EIF2B4: variants seen among roughly 807,000 people sequenced by gnomAD.
EIF2B4 encodes eukaryotic translation initiation factor 2B subunit delta.
EIF2B4 carries 34 observed loss-of-function variants against 66.7 expected under a neutral mutation model. That is an observed-to-expected ratio of 0.51 (90% CI 0.39 to 0.68). The LOEUF (loss-of-function observed/expected upper bound fraction) is 0.68. Among genes scored for constraint, EIF2B4 ranks in the 30% least tolerant of loss-of-function variants. The pLI is 0.00. For synonymous variants in EIF2B4, 278 were observed against 253.6 expected, an observed-to-expected ratio of 1.10 and a Z score of -0.92; for missense variants, 618 against 657.9, an observed-to-expected ratio of 0.94 and a Z score of 0.66.
rs1219720070 is a variant in EIF2B4, at chr2:27,369,501, C to T, written c.124G>A (p.Glu42Lys). ...TKEEKLQLRK[E>K]KKQQKKKRKE... ...CGTTTCTTCTTCTGCTGTTTCTTTT[C>T]CTTCCGAAGCTGCAGCTTTTCTTCT... The change falls in exon 3 of 13, where the codon GAA becomes AAA. Residue 42 changes from glutamate to lysine, a missense_variant. Physicochemically the swap from Glu to Lys is moderately conservative, Grantham distance 56. Around this residue, in one of 4 missense-constraint regions of EIF2B4, gnomAD observed 506 missense variants for 511.9 expected, o/e 0.99. Transcript: ENST00000347454. 3 of 1,614,156 alleles carry T rather than the reference C, an allele frequency of 1.9e-6. No homozygotes were observed. Among genetic ancestry groups the T allele is most frequent in the Non-Finnish European group, 2.5e-6 (3 of 1,180,026 alleles).
intron 11 of EIF2B4, chr2:27,365,695 C>T (rs1344153489): frequency 2.0e-5 from 3 of 152,050 alleles, no homozygotes; most frequent in Non-Finnish European, 4.4e-5. Flanking sequence ...TTAATGATGG[C>T]TTTTCTTCTG....
At chr2:27,369,822 C>T (rs1018558629) in intron 2 of EIF2B4, 54 bp downstream of exon 2, 5 of 1,534,748 alleles carry the variant, frequency 3.3e-6, no homozygotes, top group African/African-American at 1.4e-5. Context: ...ATAAAGCTGG[C>T]ACAGCCTCCT....
chr2:27,364,368 G>C lies in EIF2B4; in HGVS notation c.*32C>G. The C allele has an allele frequency of 1.2e-6, 2 of 1,606,512 alleles. No homozygotes were observed. The highest frequency in any genetic ancestry group is 1.7e-4 in the Middle Eastern group (1 of 5,886). ...GCAGCAGAGTTGCTGAGGGTAGGGA[G>C]TATGGCATTTATTAACCCTGTGTTT... On this transcript the variant is annotated 3_prime_UTR_variant, in exon 13 of 13. Coordinates refer to ENST00000347454, the MANE Select transcript of EIF2B4 (RefSeq NM_001034116.2).
chr2:27,369,580 C>A, intron 2 of EIF2B4, 31 bp from the exon 3 acceptor site: 1 of 1,613,956 alleles, frequency 6.2e-7, no homozygotes, highest in Admixed American at 1.7e-5. Context: ...ACTGCTCTTC[C>A]CCAACAATTC....
chr2:27,368,699 A>G lies in EIF2B4; in HGVS notation c.453T>C (p.Asp151=), dbSNP rs1682057566. The change falls in exon 5 of 13, where the codon GAT becomes GAC. Residue 151 remains aspartate (D), a synonymous_variant. Coordinates refer to ENST00000347454, the MANE Select transcript of EIF2B4 (RefSeq NM_001034116.2). The part of the protein sequence containing the change: ...VKRLPEYPQV[D]DLLLRRLVKK... Reference sequence around the variant, plus strand: ...TAACAAGCCTTCTCAGAAGTAGGTCATCAACCTGAGGGTACTCAGGGAGAC... The same window carrying G: ...TAACAAGCCTTCTCAGAAGTAGGTCGTCAACCTGAGGGTACTCAGGGAGAC... 1.2e-6 allele frequency: 2 copies of G among 1,614,200 alleles called. No homozygotes were observed. The highest frequency in any genetic ancestry group is 1.7e-6 in the Non-Finnish European group (2 of 1,180,036).
chr2:27,367,319 C>T (rs1681933953), intron 9 of EIF2B4, 118 bp from the exon 10 acceptor site: 1 of 1,582,634 alleles, frequency 6.3e-7, no homozygotes, highest in Non-Finnish European at 8.7e-7. Context: ...AGAGATGGCA[C>T]AAGTCAGAAT....
intron 11 of EIF2B4, chr2:27,366,515 C>T: frequency 1.8e-6 from 1 of 550,920 alleles, no homozygotes; most frequent in East Asian, 3.2e-5. Flanking sequence ...CCCATCTCTA[C>T]AAGAAAAATA....
chr2:27,365,304 G>A (rs1248208877), intron 11 of EIF2B4, among the ~76,000 whole-genome samples: 1 of 151,210 alleles, frequency 6.6e-6, no homozygotes, highest in Non-Finnish European at 1.5e-5. Flanking sequence ...AACCTCAGGT[G>A]ATCTGCCCGC....
At chr2:27,369,361 C>T in intron 3 of EIF2B4, 53 bp downstream of exon 3, 12 of 1,613,082 alleles carry the variant, frequency 7.4e-6, no homozygotes, top group South Asian at 6.6e-5. Flanking sequence ...TCTCCCACCA[C>T]ATCCCTCTAC....
At chr2:27,367,624 T>TA (rs954078667) in intron 8 of EIF2B4, 65 bp from the exon 9 acceptor site, 192 of 1,584,372 alleles carry the variant, frequency 1.2e-4, no homozygotes, top group Middle Eastern at 6.7e-4. Context: ...CCTTCACATT[T>TA]AAAAAAAAAG....
chr2:27,368,647 T>C lies in EIF2B4; in HGVS notation c.498+7A>G, dbSNP rs1008673121. The C allele has an allele frequency of 6.2e-7, 1 of 1,614,174 alleles. No homozygotes were observed. The highest frequency in any genetic ancestry group is 8.5e-7 in the Non-Finnish European group (1 of 1,180,038). ...CTTTCTAGCCAGGCACCAAACCCAC[T>C]TCCTACCTGTTGACGCTCTGGTTTT... On this transcript the variant is annotated splice_region_variant and intron_variant, in intron 5 of 12. Coordinates refer to ENST00000347454, the MANE Select transcript of EIF2B4 (RefSeq NM_001034116.2).
In EIF2B4 at chr2:27,368,156, G is replaced by A. The variant is rs755137090; in HGVS notation, c.591-17C>T. ...GATGGGATGCTGATGGGATGGCGGT[G>A]TCACATACTTTGAAAGGGAGCTTGA... On this transcript the variant is annotated splice_polypyrimidine_tract_variant and intron_variant, in intron 6 of 12. Coordinates refer to ENST00000347454, the MANE Select transcript of EIF2B4 (RefSeq NM_001034116.2). The A allele has an allele frequency of 1.9e-6, 3 of 1,565,140 alleles. No homozygotes were observed. The highest frequency in any genetic ancestry group is 2.3e-5 in the South Asian group (2 of 85,864).
chr2:27,368,866 G>T, intron 4 of EIF2B4, 133 bp from the exon 5 acceptor site: 1 of 1,415,344 alleles, frequency 7.1e-7, no homozygotes, highest in Non-Finnish European at 9.9e-7. Context: ...AAAGGAAATA[G>T]GGATAGGATA....
chr2:27,367,733 G>C lies in EIF2B4; in HGVS notation c.782+13C>G. ...TGGGCGAGCTGGGAGTGGACTTATA[G>C]TGTTGTCCCTACCTCATGTAGGGTT... On this transcript the variant is annotated intron_variant, in intron 8 of 12. Coordinates refer to ENST00000347454, the MANE Select transcript of EIF2B4 (RefSeq NM_001034116.2). The C allele has an allele frequency of 6.2e-7, 1 of 1,609,480 alleles. No homozygotes were observed. Among genetic ancestry groups the C allele is most frequent in the Non-Finnish European group, 8.5e-7 (1 of 1,175,736 alleles).
chr2:27,367,376 G>A lies in EIF2B4; in HGVS notation c.885+81C>T, dbSNP rs180670782. 181 of 1,594,542 alleles carry A rather than the reference G, an allele frequency of 1.1e-4. No individual in the cohort carries two copies. The African/African-American group carries it at 2.0e-3, about 17-fold the overall frequency. On this transcript the variant is annotated intron_variant, in intron 9 of 12. Coordinates refer to ENST00000347454, the MANE Select transcript of EIF2B4 (RefSeq NM_001034116.2). Reference sequence around the variant, plus strand: ...TTGACTAGGGCAAAAAAAGGCTTACGTTGGCCTTCCCGGGAGTTTTTAACA... The same window carrying A: ...TTGACTAGGGCAAAAAAAGGCTTACATTGGCCTTCCCGGGAGTTTTTAACA...
intron 4 of EIF2B4, 115 bp downstream of exon 4, chr2:27,368,891 A>G: frequency 1.4e-6 from 2 of 1,468,268 alleles, no homozygotes; most frequent in South Asian, 2.3e-5. Context: ...GGTTGCAGGA[A>G]CAATTCAGAA....
At chr2:27,368,299 A>T in intron 6 of EIF2B4, 73 bp downstream of exon 6, 1 of 1,429,510 alleles carries the variant, frequency 7.0e-7, no homozygotes, top group Non-Finnish European at 9.9e-7. Flanking sequence ...ATCTCAGATT[A>T]CTAGAAACTT....
chr2:27,367,069 C>A lies in EIF2B4; in HGVS notation c.1013+5G>T. The A allele has an allele frequency of 6.2e-7, 1 of 1,614,124 alleles. No individual in the cohort carries two copies. The highest frequency in any genetic ancestry group is 8.5e-7 in the Non-Finnish European group (1 of 1,180,034). On this transcript the variant is annotated splice_donor_5th_base_variant and intron_variant, in intron 10 of 12. Coordinates refer to ENST00000347454, the MANE Select transcript of EIF2B4 (RefSeq NM_001034116.2). Reference sequence around the variant, plus strand: ...ATCTGCTCAGTCACAAGGTCTGGACCATACCATCCATATACCAGGATCACA... The same window carrying A: ...ATCTGCTCAGTCACAAGGTCTGGACAATACCATCCATATACCAGGATCACA...
At chr2:27,365,053 A>AAC in intron 11 of EIF2B4, 155 bp from the exon 12 acceptor site, 1 of 772,132 alleles carries the variant, frequency 1.3e-6, no homozygotes, top group Non-Finnish European at 2.0e-6. Flanking sequence ...CAAGTAATAA[A>AAC]TCTTTTTTTT....
Sources: gnomAD v4.1 joint callset for allele counts (sites outside exome capture counted in the v4.1 genomes callset) on GRCh38, gnomAD v4.1.1 for gene constraint, gnomAD v4.1.1 regional missense constraint, MANE v1.5 for transcripts, NCBI Gene and HGNC (gene_info 2026-07-23, HGNC 2026-07-21) for gene names.